GPC5: variants seen among roughly 807,000 people sequenced by gnomAD.
GPC5 encodes glypican 5, also known as glypican-5.
In GPC5, 47 loss-of-function variants were observed where a neutral mutation model predicts 53.9. That is an observed-to-expected ratio of 0.87 (90% CI 0.69 to 1.11). The LOEUF is 1.11. Among genes scored for constraint, GPC5 ranks in the 50% most tolerant of loss-of-function variants. The pLI is 0.00. For synonymous variants in GPC5, 286 were observed against 263.3 expected, an observed-to-expected ratio of 1.09 and a Z score of -0.84; for missense variants, 748 against 713.1, an observed-to-expected ratio of 1.05 and a Z score of -0.56.
At chr13:91,650,382 T>A (rs926032142) in intron 2 of GPC5, among the ~76,000 whole-genome samples, 4 of 151,904 alleles carry the variant, frequency 2.6e-5, no homozygotes, top group Non-Finnish European at 5.9e-5. Context: ...TGTAACCTTA[T>A]AGTATGTAAA....
At chr13:92,358,651 C>A (rs565021027) in intron 7 of GPC5, among the ~76,000 whole-genome samples, 1 of 151,956 alleles carries the variant, frequency 6.6e-6, no homozygotes, top group South Asian at 2.1e-4. Context: ...TCTCTGTGCA[C>A]CTACAGGCTT....
At chr13:92,275,445 T>C (rs1453054051) in intron 7 of GPC5, among the ~76,000 whole-genome samples, 2 of 152,178 alleles carry the variant, frequency 1.3e-5, no homozygotes. Context: ...CGTTGAATTT[T>C]ATAACAGGAC....
intron 1 of GPC5, among the ~76,000 whole-genome samples, chr13:91,400,973 T>A (rs1876904321): frequency 6.6e-6 from 1 of 152,226 alleles, no homozygotes; most frequent in African/African-American, 2.4e-5. Context: ...CTTTTCTAAG[T>A]CACTCTGGAT....
intron 7 of GPC5, among the ~76,000 whole-genome samples, chr13:92,361,943 C>G (rs1175448143): frequency 2.0e-5 from 3 of 151,184 alleles, no homozygotes; most frequent in Non-Finnish European, 4.4e-5. Flanking sequence ...TGTAAGACAC[C>G]CAGGTTTAAA....
intron 5 of GPC5, among the ~76,000 whole-genome samples, chr13:91,850,575 T>A (rs1023672675): frequency 1.3e-5 from 2 of 152,186 alleles, no homozygotes; most frequent in Non-Finnish European, 2.9e-5. Context: ...TTTAGGGATG[T>A]CTCTAGATTA....
intron 6 of GPC5, among the ~76,000 whole-genome samples, chr13:91,968,400 G>C (rs1313012328): frequency 6.6e-6 from 1 of 152,020 alleles, no homozygotes; most frequent in African/African-American, 2.4e-5. Context: ...CAACTCAACT[G>C]TGTTGAAATT....
chr13:92,601,350 G>A (rs1284757809), intron 7 of GPC5, among the ~76,000 whole-genome samples: 1 of 152,028 alleles, frequency 6.6e-6, no homozygotes, highest in Non-Finnish European at 1.5e-5. Context: ...GAGGTCAGGA[G>A]TTTAAGACCA....
rs2039185020 is a variant in GPC5 at position 91,874,867 on chromosome 13, C to T, written c.1281-33070C>T. Among the ~76,000 whole-genome samples, 2 of 152,082 alleles carry T rather than the reference C, an allele frequency of 1.3e-5. 1 individual carries two copies. The highest frequency in any genetic ancestry group is 4.1e-4 in the South Asian group (2 of 4,822). On this transcript the variant is annotated intron_variant, in intron 5 of 7. Coordinates refer to ENST00000377067, the MANE Select transcript of GPC5 (RefSeq NM_004466.6). ...TATCCCTACACCATATCCTAGCTGTCATTTTGTGCTAATTTTCCATAAATT... is the reference window on the plus strand; with the variant it reads ...TATCCCTACACCATATCCTAGCTGTTATTTTGTGCTAATTTTCCATAAATT...
intron 7 of GPC5, among the ~76,000 whole-genome samples, chr13:92,495,568 AACT>A (rs1469455461): frequency 6.6e-6 from 1 of 151,896 alleles, no homozygotes; most frequent in Non-Finnish European, 1.5e-5. Flanking sequence ...GGGTGATGTA[AACT>A]CCATAACCCA....
intron 5 of GPC5, among the ~76,000 whole-genome samples, chr13:91,876,403 A>G (rs914789424): frequency 1.3e-5 from 2 of 152,224 alleles, no homozygotes; most frequent in Non-Finnish European, 2.9e-5. Flanking sequence ...AAATGCTGGT[A>G]GCAATACAGA....
At chr13:92,119,484 C>T (rs571867571) in intron 6 of GPC5, among the ~76,000 whole-genome samples, 10 of 143,484 alleles carry the variant, frequency 7.0e-5, no homozygotes, top group East Asian at 2.1e-4. Flanking sequence ...CTGCAGGCTC[C>T]GCCCCCCGGG....
At chr13:91,785,477 C>T (rs2037863400) in intron 5 of GPC5, among the ~76,000 whole-genome samples, 1 of 151,806 alleles carries the variant, frequency 6.6e-6, no homozygotes, top group African/African-American at 2.4e-5. Context: ...TTCAGAGTTA[C>T]ACCTTTAAAT....
At chr13:92,253,268 C>G (rs7986701) in intron 7 of GPC5, among the ~76,000 whole-genome samples, 37,339 of 151,804 alleles carry the variant, frequency 0.25, 4,846 homozygotes, top group South Asian at 0.45. Context: ...CAACTGTGGA[C>G]TGGGAAAGAT....
intron 7 of GPC5, among the ~76,000 whole-genome samples, chr13:92,444,258 T>A (rs776767626): frequency 3.3e-5 from 5 of 152,158 alleles, no homozygotes; most frequent in Admixed American, 6.6e-5. Flanking sequence ...TATATGTTTT[T>A]GAGAGGGCAC....
At chr13:92,700,699 T>G (rs539158958) in intron 7 of GPC5, among the ~76,000 whole-genome samples, 326 of 152,242 alleles carry the variant, frequency 2.1e-3, no homozygotes, top group African/African-American at 7.4e-3. Context: ...AACCATCTAT[T>G]TAGCATACAT....
intron 7 of GPC5, among the ~76,000 whole-genome samples, chr13:92,465,774 A>G (rs930895269): frequency 5.3e-5 from 8 of 152,182 alleles, no homozygotes; most frequent in Admixed American, 4.6e-4. Flanking sequence ...GCAGGTTTTT[A>G]TAAGAAAACA....
intron 7 of GPC5, among the ~76,000 whole-genome samples, chr13:92,850,029 T>A (rs1878740373): frequency 6.6e-6 from 1 of 152,136 alleles, no homozygotes; most frequent in Admixed American, 6.5e-5. Flanking sequence ...CCGGAAATGT[T>A]CAGTAAGTTG....
chr13:91,506,359 A>C (rs1884944822), intron 2 of GPC5, among the ~76,000 whole-genome samples: 1 of 152,168 alleles, frequency 6.6e-6, no homozygotes, highest in Non-Finnish European at 1.5e-5. Flanking sequence ...CCTTTATTGA[A>C]TATTTAAATC....
At chr13:92,479,978 G>C (rs1879288351) in intron 7 of GPC5, among the ~76,000 whole-genome samples, 1 of 152,048 alleles carries the variant, frequency 6.6e-6, no homozygotes, top group Non-Finnish European at 1.5e-5. Flanking sequence ...CAGGATGAAG[G>C]ATAATCATCA....
Sources: gnomAD v4.1 joint callset for allele counts (sites outside exome capture counted in the v4.1 genomes callset) on GRCh38, gnomAD v4.1.1 for gene constraint, MANE v1.5 for transcripts, NCBI Gene and HGNC (gene_info 2026-07-23, HGNC 2026-07-21) for gene names.